ASTN2: variants seen among roughly 807,000 people sequenced by gnomAD.
ASTN2 encodes the protein astrotactin 2.
In ASTN2, 54 loss-of-function variants were observed where a neutral mutation model predicts 139.8. That is an observed-to-expected ratio of 0.39 (90% CI 0.31 to 0.48). ASTN2 has a LOEUF of 0.48. ASTN2 is among the 20% of genes least tolerant of loss of function. ASTN2 has a pLI of 0.95. For synonymous variants in ASTN2, 756 were observed against 719.5 expected, an observed-to-expected ratio of 1.05 and a Z score of -0.81; for missense variants, 1,565 against 1,725.1, an observed-to-expected ratio of 0.91 and a Z score of 1.64.
Position 117,086,256 on chromosome 9 carries a change from C to T in ASTN2, c.1276+9788G>A, listed in dbSNP as rs556114794. 7.2e-5 allele frequency among the ~76,000 whole-genome samples: 11 copies of T among 152,224 alleles called. No homozygotes were observed. In the South Asian group the frequency reaches 1.7e-3, roughly 23 times the overall value. On this transcript the variant is annotated intron_variant, in intron 5 of 22. Coordinates refer to ENST00000313400, the MANE Select transcript of ASTN2 (RefSeq NM_001365068.1). ...CAAAGCCTTGCTCAAAGCCTCTTAA[C>T]CAAACAAGAGACACCTAGGATTAAA...
In ASTN2 at chr9:116,620,330, G is replaced by T; in HGVS notation, c.3186C>A (p.Cys1062Ter). 1.2e-6 allele frequency: 2 copies of T among 1,614,140 alleles called. No individual in the cohort carries two copies. Among genetic ancestry groups the T allele is most frequent in the Non-Finnish European group, 1.7e-6 (2 of 1,180,028 alleles). The change falls in exon 18 of 23, where the codon TGC (cysteine) becomes TGA (stop). Residue 1062 changes from cysteine (C) to a stop codon, truncating the protein, a stop_gained. Coordinates refer to ENST00000313400, the MANE Select transcript of ASTN2 (RefSeq NM_001365068.1). LOFTEE classifies it high-confidence loss of function. ...CGTACACCGGCTGCAGAAGGGGGCT[G>T]CAGTTGGGGAGCCCATTGGCATCAA... ...SAFDANGLPN[C>*]SPLLQPVLRL...
rs747783100 is a variant in ASTN2 at position 116,805,664 on chromosome 9, C to T, written c.2364G>A (p.Val788=). 6.2e-7 allele frequency: 1 copy of T among 1,613,908 alleles called. No homozygotes were observed. Residue 788 remains valine (V), a synonymous_variant, in exon 13 of 23, where the codon GTG becomes GTA. Transcript: ENST00000313400. ...TCATCTGGAAGACTTGGCCTTGGTT[C>T]ACATGCTGGGTCCGGTTGTTGTAAC... is the stretch of plus-strand genomic sequence containing the variant. ...LHGYNNRTQH[V]NQGQVFQMTF...
chr9:116,462,805 T>C (rs1369122525), intron 20 of ASTN2, among the ~76,000 whole-genome samples: 1 of 151,402 alleles, frequency 6.6e-6, no homozygotes, highest in Non-Finnish European at 1.5e-5. Flanking sequence ...TGTGTGTGTG[T>C]GTGTGTGTGT....
At chr9:116,893,269 C>CT (rs1460266964) in intron 10 of ASTN2, among the ~76,000 whole-genome samples, 1 of 151,992 alleles carries the variant, frequency 6.6e-6, no homozygotes, top group Non-Finnish European at 1.5e-5. Flanking sequence ...TTTCAGGACA[C>CT]TTTTTTGTTT....
chr9:117,160,084 C>T (rs1223431155), intron 3 of ASTN2, among the ~76,000 whole-genome samples: 1 of 152,062 alleles, frequency 6.6e-6, no homozygotes, highest in African/African-American at 2.4e-5. Flanking sequence ...TACCTACTTA[C>T]ATCTTAATGG....
intron 19 of ASTN2, among the ~76,000 whole-genome samples, chr9:116,504,803 G>A (rs1385214489): frequency 6.7e-6 from 1 of 150,022 alleles, no homozygotes; most frequent in African/African-American, 2.5e-5. Context: ...AGCTGAGGTG[G>A]GAGGATCACT....
intron 2 of ASTN2, among the ~76,000 whole-genome samples, chr9:117,249,933 C>T (rs1189822132): frequency 1.3e-5 from 2 of 152,126 alleles, no homozygotes; most frequent in Admixed American, 1.3e-4. Flanking sequence ...CTCATCTCCT[C>T]TCTCCCTTTC....
intron 10 of ASTN2, among the ~76,000 whole-genome samples, chr9:116,908,863 G>A: frequency 6.6e-6 from 1 of 152,232 alleles, no homozygotes; most frequent in African/African-American, 2.4e-5. Flanking sequence ...GGAGACCTGG[G>A]TGAAGTGATG....
At chr9:116,904,175 G>A (rs1191932512) in intron 10 of ASTN2, among the ~76,000 whole-genome samples, 1 of 152,138 alleles carries the variant, frequency 6.6e-6, no homozygotes, top group Admixed American at 6.5e-5. Context: ...TTCTGGTACA[G>A]CTCTAAGGCC....
intron 6 of ASTN2, among the ~76,000 whole-genome samples, chr9:117,029,350 A>C (rs756692768): frequency 3.3e-5 from 5 of 152,288 alleles, no homozygotes; most frequent in East Asian, 1.9e-4. Context: ...ACATGTGTCC[A>C]TGCCCCTCCC....
intron 22 of ASTN2, among the ~76,000 whole-genome samples, chr9:116,435,479 C>G (rs1405453301): frequency 6.6e-6 from 1 of 152,168 alleles, no homozygotes; most frequent in Non-Finnish European, 1.5e-5. Context: ...GCTAAACAAC[C>G]CAGCCTTGTT....
intron 1 of ASTN2, among the ~76,000 whole-genome samples, chr9:117,302,369 T>A (rs1002640797): frequency 6.6e-6 from 1 of 152,118 alleles, no homozygotes; most frequent in South Asian, 2.1e-4. Flanking sequence ...TTGCCTTAAA[T>A]CACACAGCAT....
chr9:116,963,819 G>A (rs1486646108), intron 10 of ASTN2, among the ~76,000 whole-genome samples: 1 of 152,188 alleles, frequency 6.6e-6, no homozygotes, highest in African/African-American at 2.4e-5. Flanking sequence ...GCACCAGCAG[G>A]AGGTTTGGTG....
intron 12 of ASTN2, among the ~76,000 whole-genome samples, chr9:116,806,398 TA>T (rs1348649954): frequency 1.3e-5 from 2 of 152,124 alleles, no homozygotes; most frequent in African/African-American, 4.8e-5. Flanking sequence ...GGCATCTGAA[TA>T]AGGTGTGGAA....
intron 19 of ASTN2, chr9:116,582,175 AC>A (rs1382734901): frequency 6.6e-6 from 1 of 152,212 alleles, no homozygotes; most frequent in Non-Finnish European, 1.5e-5. Flanking sequence ...ATGCTGCAGG[AC>A]CTAGGATCAG....
At chr9:117,099,680 A>G (rs1457221661) in intron 4 of ASTN2, among the ~76,000 whole-genome samples, 2 of 152,234 alleles carry the variant, frequency 1.3e-5, no homozygotes, top group Non-Finnish European at 2.9e-5. Context: ...GAAGGCACGT[A>G]GAAATTAAAT....
chr9:117,070,162 C>T (rs1203322129), intron 5 of ASTN2, among the ~76,000 whole-genome samples: 5 of 133,528 alleles, frequency 3.7e-5, no homozygotes, highest in African/African-American at 1.1e-4. Flanking sequence ...TGTTCCTTTC[C>T]GTGTTTAGTG....
chr9:117,298,123 G>A (rs997299066), intron 1 of ASTN2, among the ~76,000 whole-genome samples: 2 of 152,144 alleles, frequency 1.3e-5, no homozygotes, highest in African/African-American at 4.8e-5. Flanking sequence ...ACCCTCCAAT[G>A]TTTTCTACTA....
At chr9:116,974,799 A>G (rs2132524103) in intron 10 of ASTN2, among the ~76,000 whole-genome samples, 1 of 152,044 alleles carries the variant, frequency 6.6e-6, no homozygotes, top group Non-Finnish European at 1.5e-5. Flanking sequence ...GTGAGCCACC[A>G]CGCCTGGTCT....
Sources: gnomAD v4.1 joint callset for allele counts (sites outside exome capture counted in the v4.1 genomes callset) on GRCh38, gnomAD v4.1.1 for gene constraint, MANE v1.5 for transcripts, NCBI Gene and HGNC (gene_info 2026-07-23, HGNC 2026-07-21) for gene names.